STRIP1: variants seen among roughly 807,000 people sequenced by gnomAD.
STRIP1 encodes striatin-interacting protein 1.
A neutral mutation model predicts 106.2 loss-of-function variants in STRIP1; 63 were observed. The ratio of observed to expected loss-of-function variants is 0.59; its 90% CI spans 0.48 to 0.73. The LOEUF is 0.73. STRIP1 is among the 30% of genes least tolerant of loss of function. The pLI, the probability that STRIP1 is intolerant of heterozygous loss-of-function variation, is 0.00. For missense variants in STRIP1, 857 were observed against 1,074.8 expected (o/e 0.80, Z 2.83); for synonymous variants, 390 against 413.0 (o/e 0.94, Z 0.67).
Position 110,035,081 on chromosome 1 carries a change from G to A in STRIP1, c.180+264G>A, listed in dbSNP as rs550131097. On this transcript the variant is annotated intron_variant, in intron 1 of 20. Coordinates refer to ENST00000369795, the MANE Select transcript of STRIP1 (RefSeq NM_033088.4). ...GTTTGCTCCCCTGGGCCCCGACTGT[G>A]GGCGTGGCCTCGAGGCCCTAGCCCC... Among the ~76,000 whole-genome samples, 21 of 152,360 alleles carry A rather than the reference G, an allele frequency of 1.4e-4. No individual in the cohort carries two copies. In the South Asian group the frequency reaches 4.4e-3, roughly 32 times the overall value.
chr1:110,043,713 G>A lies in STRIP1; in HGVS notation c.1143G>A (p.Glu381=). The change falls in exon 10 of 21, where the codon GAG becomes GAA. Residue 381 remains glutamate, a synonymous_variant. Transcript: ENST00000369795. ...DPYKADDSRE[E]EEENDDDNSL... ...ACAAGGCTGATGACTCTCGAGAAGA[G>A]GAAGAGGAGAATGATGATGACAACA... is the stretch of plus-strand genomic sequence containing the variant. 1 of 1,614,198 alleles carries A rather than the reference G, an allele frequency of 6.2e-7. No homozygotes were observed.
chr1:110,054,227 G>T lies in STRIP1; in HGVS notation c.*315G>T. ...GGCTGGGAAAGCTGGAATGGGATGG[G>T]AACCCCTCCGCCGTGCATCTGAATT... On this transcript the variant is annotated 3_prime_UTR_variant, in exon 21 of 21. Coordinates refer to ENST00000369795, the MANE Select transcript of STRIP1 (RefSeq NM_033088.4). 1 of 328,066 alleles carries T rather than the reference G, an allele frequency of 3.0e-6. No homozygotes were observed. 20.3% of individuals were successfully genotyped at this position (328,066 alleles called of 1,614,324 possible).
chr1:110,037,811 C>G, intron 1 of STRIP1, 80 bp from the exon 2 acceptor site: 1 of 1,013,088 alleles, frequency 9.9e-7, no homozygotes, highest in Non-Finnish European at 1.6e-6. Context: ...TGTCCTGTAA[C>G]ACAACAGCAT....
chr1:110,049,087 C>T (rs776430640), intron 15 of STRIP1, 25 bp from the exon 16 acceptor site: 1 of 1,613,878 alleles, frequency 6.2e-7, no homozygotes, highest in African/African-American at 1.3e-5. Flanking sequence ...ATGCTGGTGG[C>T]TTACCCAGGC....
At chr1:110,052,632 G>C (rs1653353240) in intron 20 of STRIP1, among the ~76,000 whole-genome samples, 1 of 152,020 alleles carries the variant, frequency 6.6e-6, no homozygotes, top group Non-Finnish European at 1.5e-5. Flanking sequence ...ACCATGTCCA[G>C]CTAATTTTTG....
At position 110,045,021 on chromosome 1, in the gene STRIP1, G is replaced by C; in HGVS notation, c.1359G>C (p.Thr453=). The C allele has an allele frequency of 6.2e-7, 1 of 1,614,128 alleles. No individual in the cohort carries two copies. The highest frequency in any genetic ancestry group is 8.5e-7 in the Non-Finnish European group (1 of 1,180,022). The part of the protein sequence containing the change: ...KFIGYTLGSD[T]NTVVGLPRPI... ...GGCCTTCTTTATTCTCCAGTGACAC[G>C]AACACAGTGGTGGGGCTGCCCAGGC... Residue 453 remains threonine, a synonymous_variant, in exon 12 of 21, where the codon ACG becomes ACC. Coordinates refer to ENST00000369795, the MANE Select transcript of STRIP1 (RefSeq NM_033088.4).
At chr1:110,041,930 T>G in intron 8 of STRIP1, 69 bp downstream of exon 8, 1 of 1,476,214 alleles carries the variant, frequency 6.8e-7, no homozygotes, top group South Asian at 1.2e-5. Flanking sequence ...TCCTTGAATA[T>G]CCTTTTGAAT....
upstream of STRIP1, among the ~76,000 whole-genome samples, chr1:110,033,921 T>C (rs1269163039): frequency 6.6e-6 from 1 of 152,252 alleles, no homozygotes; most frequent in Non-Finnish European, 1.5e-5. Context: ...TCCTGCTCTT[T>C]GGTTATAAAT....
upstream of STRIP1, among the ~76,000 whole-genome samples, chr1:110,032,391 G>C (rs1652236070): frequency 6.6e-6 from 1 of 152,168 alleles, no homozygotes. Context: ...GTATCACAGG[G>C]ACTTTCTGGA....
At position 110,039,152 on chromosome 1, in the gene STRIP1, A is replaced by G. The variant is rs771701506; in HGVS notation, c.326-20A>G. ...GAGGATTTTTCTAGGCTCAGGTGTA[A>G]CTGGTTTCTTGCCCTGCAGTGACAG... On this transcript the variant is annotated intron_variant, in intron 3 of 20. Coordinates refer to ENST00000369795, the MANE Select transcript of STRIP1 (RefSeq NM_033088.4). The G allele has an allele frequency of 6.2e-7, 1 of 1,613,348 alleles. No individual in the cohort carries two copies. Among genetic ancestry groups the G allele is most frequent in the South Asian group, 1.1e-5 (1 of 91,038 alleles).
At chr1:110,041,475 C>A in intron 6 of STRIP1, 61 bp from the exon 7 acceptor site, 1 of 1,185,410 alleles carries the variant, frequency 8.4e-7, no homozygotes, top group Non-Finnish European at 1.3e-6. Context: ...CTTTGTTAGA[C>A]ACTAGGGTGC....
intron 11 of STRIP1, 54 bp downstream of exon 11, chr1:110,044,959 G>A (rs997743713): frequency 6.2e-7 from 1 of 1,613,360 alleles, no homozygotes; most frequent in African/African-American, 1.3e-5. Flanking sequence ...TTTGGTGTTT[G>A]GGATCCCAGG....
chr1:110,038,053 C>T lies in STRIP1; in HGVS notation c.250+93C>T. 6.2e-6 allele frequency: 3 copies of T among 487,786 alleles called. No individual in the cohort carries two copies. In the Admixed American group the frequency reaches 8.1e-5, roughly 13 times the overall value. The allele number at this position is 487,786 out of a possible 1,614,324, so 30.2% of individuals were successfully genotyped here. On this transcript the variant is annotated intron_variant, in intron 2 of 20. Transcript: ENST00000369795. Reference sequence around the variant, plus strand: ...ATGAATATCATTTAGGGCTTCATTGCTTTCCCTAGTTCTATCAAATATATA... The same window carrying T: ...ATGAATATCATTTAGGGCTTCATTGTTTTCCCTAGTTCTATCAAATATATA...
At position 110,040,765 on chromosome 1, in the gene STRIP1, G is replaced by A. The variant is rs1050829998; in HGVS notation, c.650+62G>A. 6.3e-6 allele frequency: 9 copies of A among 1,431,192 alleles called. No homozygotes were observed. The African/African-American group carries it at 1.1e-4, about 18-fold the overall frequency. The allele number at this position is 1,431,192 out of a possible 1,614,324, so 88.7% of individuals were successfully genotyped here. Reference sequence around the variant, plus strand: ...GTCAGAGATGAGATCAGAGCAGGGTGTGGGAGGCTGTCTGTGGGTGTCATT... The same window carrying A: ...GTCAGAGATGAGATCAGAGCAGGGTATGGGAGGCTGTCTGTGGGTGTCATT... On this transcript the variant is annotated intron_variant, in intron 6 of 20. Transcript: ENST00000369795.
chr1:110,034,889 T>TA, intron 1 of STRIP1, 72 bp downstream of exon 1: 1 of 1,346,776 alleles, frequency 7.4e-7, no homozygotes, highest in Admixed American at 4.0e-5. Context: ...GGGGCCACTC[T>TA]AGGGGCCAGG....
intron 17 of STRIP1, 78 bp downstream of exon 17, chr1:110,049,638 C>A: frequency 9.5e-7 from 1 of 1,057,960 alleles, no homozygotes; most frequent in Non-Finnish European, 1.4e-6. Flanking sequence ...CCACTGTGTC[C>A]ATTTTTCCAG....
At position 110,039,481 on chromosome 1, in the gene STRIP1, A is replaced by G; in HGVS notation, c.547A>G (p.Asn183Asp). The G allele has an allele frequency of 6.2e-7, 1 of 1,609,910 alleles. No individual in the cohort carries two copies. Among genetic ancestry groups the G allele is most frequent in the Non-Finnish European group, 8.5e-7 (1 of 1,178,166 alleles). ...TCTCCTCCTGGAGGTGGGCACGTTC[A>G]ATGCTTTGGTGGAGCTTCTGAACAT... ...IFLLLEVGTF[N>D]ALVELLNMEI... The change falls in exon 5 of 21, where the codon AAT becomes GAT. Residue 183 changes from asparagine (N) to aspartate (D), a missense_variant. Transcript: ENST00000369795.
At chr1:110,046,195 G>A (rs926624036) in intron 12 of STRIP1, among the ~76,000 whole-genome samples, 1 of 152,150 alleles carries the variant, frequency 6.6e-6, no homozygotes, top group African/African-American at 2.4e-5. Context: ...AGAGGAAGGG[G>A]CCCTTTTAGA....
chr1:110,043,187 C>T lies in STRIP1; in HGVS notation c.985C>T (p.Arg329Cys), dbSNP rs1212180875. The change falls in exon 9 of 21, where the codon CGC (arginine) becomes TGC (cysteine). Residue 329 changes from arginine (R) to cysteine (C), a missense_variant. Coordinates refer to ENST00000369795, the MANE Select transcript of STRIP1 (RefSeq NM_033088.4). The stretch of plus-strand genomic sequence containing the variant: ...TCCTGAGGACAGCATCAAAGTGATT[C>T]GCAACATGAGAGCAGCCTCTCCACC... ...PLPEDSIKVI[R>C]NMRAASPPAS... is the part of the protein sequence containing the mutation. 3.1e-6 allele frequency: 5 copies of T among 1,614,010 alleles called. No individual in the cohort carries two copies. The highest frequency in any genetic ancestry group is 4.2e-6 in the Non-Finnish European group (5 of 1,180,034).
Sources: gnomAD v4.1 joint callset for allele counts (sites outside exome capture counted in the v4.1 genomes callset) on GRCh38, gnomAD v4.1.1 for gene constraint, MANE v1.5 for transcripts, NCBI Gene and HGNC (gene_info 2026-07-23, HGNC 2026-07-21) for gene names.